CALN1: variants seen among roughly 807,000 people sequenced by gnomAD.
CALN1 encodes calcium-binding protein 8.
Under a neutral mutation model 30.6 loss-of-function variants are expected in CALN1, and 17 were observed. The observed-to-expected ratio is 0.56, with a 90% confidence interval of 0.38 to 0.83. The LOEUF (loss-of-function observed/expected upper bound fraction) is 0.83. CALN1 is among the 40% of genes least tolerant of loss of function. CALN1 has a pLI of 0.00. For missense variants in CALN1, 291 were observed against 354.9 expected (o/e 0.82, Z 1.45); for synonymous variants, 156 against 131.4 (o/e 1.19, Z -1.28).
chr7:72,374,244 G>A (rs1427238671), intron 2 of CALN1, among the ~76,000 whole-genome samples: 1 of 152,164 alleles, frequency 6.6e-6, no homozygotes, highest in Non-Finnish European at 1.5e-5. Context: ...GAAATGTTTA[G>A]CAGGCTGGGT....
chr7:72,158,993 C>T (rs1180269777), intron 3 of CALN1, among the ~76,000 whole-genome samples: 1 of 152,168 alleles, frequency 6.6e-6, no homozygotes, highest in Admixed American at 6.6e-5. Context: ...GCTGGGATTA[C>T]AGGCATAAGC....
chr7:71,937,326 C>CA (rs763054556), intron 5 of CALN1, among the ~76,000 whole-genome samples: 138 of 147,090 alleles, frequency 9.4e-4, no homozygotes, highest in Non-Finnish European at 1.4e-3. Flanking sequence ...AAAACAACAC[C>CA]AAAAAAAAAC....
intron 6 of CALN1, among the ~76,000 whole-genome samples, chr7:71,790,941 G>C (rs1259846103): frequency 6.6e-6 from 1 of 152,144 alleles, no homozygotes; most frequent in Non-Finnish European, 1.5e-5. Flanking sequence ...AGCTGTTAAA[G>C]AAGACTGCGT....
chr7:72,082,364 T>C (rs760214895), intron 4 of CALN1, among the ~76,000 whole-genome samples: 3 of 152,132 alleles, frequency 2.0e-5, no homozygotes, highest in Non-Finnish European at 4.4e-5. Context: ...TACCCACCAC[T>C]ACTTTAGTCC....
chr7:72,043,807 A>G (rs904813591), intron 4 of CALN1, among the ~76,000 whole-genome samples: 1 of 152,312 alleles, frequency 6.6e-6, no homozygotes, highest in African/African-American at 2.4e-5. Context: ...GCTGATAAAG[A>G]CACACATGAG....
chr7:71,820,629 G>C (rs750941201), intron 5 of CALN1, among the ~76,000 whole-genome samples: 1 of 152,078 alleles, frequency 6.6e-6, no homozygotes, highest in Non-Finnish European at 1.5e-5. Flanking sequence ...TAACTCTTTG[G>C]GGTATATACC....
At chr7:71,982,660 G>C (rs1171274923) in intron 5 of CALN1, among the ~76,000 whole-genome samples, 3 of 152,148 alleles carry the variant, frequency 2.0e-5, no homozygotes, top group African/African-American at 7.2e-5. Flanking sequence ...ACAATTTATA[G>C]CTTCCAAACC....
chr7:71,916,179 T>C (rs962819294), intron 5 of CALN1, among the ~76,000 whole-genome samples: 1 of 150,138 alleles, frequency 6.7e-6, no homozygotes, highest in Non-Finnish European at 1.5e-5. Flanking sequence ...CCATCAAGGT[T>C]GCCTAGGATA....
intron 5 of CALN1, among the ~76,000 whole-genome samples, chr7:72,019,650 G>A (rs192815187): frequency 1.5e-4 from 23 of 152,232 alleles, no homozygotes; most frequent in Non-Finnish European, 2.9e-4. Context: ...CCAGCCAGGT[G>A]AGTGAGCCAC....
chr7:72,471,453 G>C, the CALN1 span, among the ~76,000 whole-genome samples: 1 of 152,204 alleles, frequency 6.6e-6, no homozygotes, highest in Non-Finnish European at 1.5e-5. Flanking sequence ...TCCCCTGGGG[G>C]AACACACTCT....
At chr7:71,941,084 C>T (rs1184557940) in intron 5 of CALN1, among the ~76,000 whole-genome samples, 1 of 152,198 alleles carries the variant, frequency 6.6e-6, no homozygotes, top group African/African-American at 2.4e-5. Flanking sequence ...TGGTGGCTCA[C>T]GACTGTAATC....
At chr7:72,030,791 G>T (rs1441709993) in intron 4 of CALN1, among the ~76,000 whole-genome samples, 1 of 151,678 alleles carries the variant, frequency 6.6e-6, no homozygotes, top group Non-Finnish European at 1.5e-5. Context: ...CTGTCACCTA[G>T]GCTGGAGTGC....
chr7:71,785,360 C>G lies in CALN1; in HGVS notation c.*2415G>C, dbSNP rs1444088573. The G allele has an allele frequency of 6.5e-6, 1 of 152,756 alleles. No homozygotes were observed. The highest frequency in any genetic ancestry group is 2.4e-5 in the African/African-American group (1 of 41,480). The allele number at this position is 152,756 out of a possible 1,614,324, so 9.5% of individuals were successfully genotyped here. ...ACTCCTTTTCCTCCCTACTCCTGCA[C>G]AGTGGCTAATCTCTCTGCCAATGAA... is the stretch of plus-strand genomic sequence containing the variant. On this transcript the variant is annotated 3_prime_UTR_variant, in exon 7 of 7. Transcript: ENST00000395275.
intron 3 of CALN1, among the ~76,000 whole-genome samples, chr7:72,229,927 G>A (rs1320068316): frequency 6.6e-6 from 1 of 151,904 alleles, no homozygotes; most frequent in Non-Finnish European, 1.5e-5. Context: ...CGGATCATGA[G>A]GTCAGGAGAT....
intron 4 of CALN1, among the ~76,000 whole-genome samples, chr7:72,027,726 A>AACACAC (rs111705413): frequency 1.8e-4 from 26 of 143,318 alleles, no homozygotes; most frequent in East Asian, 1.7e-3. Context: ...CAAACAAACA[A>AACACAC]ACACACACAC....
chr7:72,306,631 AAG>A (rs1479503433), intron 2 of CALN1, among the ~76,000 whole-genome samples: 13 of 104,198 alleles, frequency 1.2e-4, no homozygotes, highest in South Asian at 3.1e-4. Flanking sequence ...TAAAAAAAAA[AAG>A]AAGAAAAAAA....
At chr7:71,901,289 A>G (rs1426841043) in intron 5 of CALN1, among the ~76,000 whole-genome samples, 1 of 152,202 alleles carries the variant, frequency 6.6e-6, no homozygotes, top group East Asian at 1.9e-4. Flanking sequence ...AAAATATTCC[A>G]TGCTCATGGA....
At chr7:72,110,036 T>G (rs888085126) in intron 3 of CALN1, among the ~76,000 whole-genome samples, 2 of 152,220 alleles carry the variant, frequency 1.3e-5, no homozygotes, top group African/African-American at 4.8e-5. Context: ...CTCTTAGTTC[T>G]CCGGAAGGCT....
intron 5 of CALN1, among the ~76,000 whole-genome samples, chr7:71,980,940 G>C (rs1384645140): frequency 2.6e-5 from 4 of 151,574 alleles, no homozygotes; most frequent in Non-Finnish European, 4.4e-5. Flanking sequence ...GAGGCCACAG[G>C]GTTCTTTCCA....
Sources: allele counts gnomAD v4.1 joint callset (sites outside exome capture counted in the v4.1 genomes callset), GRCh38; gene constraint gnomAD v4.1.1; transcripts MANE v1.5; gene names NCBI Gene and HGNC (gene_info 2026-07-23, HGNC 2026-07-21).